Variants in BCKDHA observed in about 807,000 individuals in gnomAD.
BCKDHA encodes branched chain keto acid dehydrogenase E1 subunit alpha, also known as 2-oxoisovalerate dehydrogenase subunit alpha, mitochondrial.
Under a neutral mutation model 52.2 loss-of-function variants are expected in BCKDHA, and 43 were observed. The observed-to-expected ratio is 0.82, with a 90% CI of 0.64 to 1.06. The LOEUF is 1.06. Among genes scored for constraint, BCKDHA ranks in the 50% least tolerant of loss-of-function variants. BCKDHA has a pLI of 0.00. For synonymous variants in BCKDHA, 234 were observed against 247.9 expected (o/e 0.94, Z 0.53); for missense variants, 527 against 621.3 (o/e 0.85, Z 1.61).
At chr19:41,424,344 T>C in intron 8 of BCKDHA, 94 bp from the exon 9 acceptor site, 3 of 1,390,452 alleles carry the variant, frequency 2.2e-6, no homozygotes, top group East Asian at 2.3e-5. Flanking sequence ...CACAAAGGCT[T>C]GGAGTGGTTA....
At chr19:41,422,088 TG>T (rs1400195279) in intron 5 of BCKDHA, 75 bp from the exon 6 acceptor site, 2 of 1,435,318 alleles carry the variant, frequency 1.4e-6, no homozygotes, top group African/African-American at 2.8e-5. Flanking sequence ...GCTTGAGCCG[TG>T]GGTCATGTGA....
In BCKDHA at chr19:41,423,108, T is replaced by A; in HGVS notation, c.1106T>A (p.Leu369Gln). The part of the protein sequence containing the change: ...HPISRLRHYL[L>Q]SQGWWDEEQE... ...ATCTCCCGGCTGCGGCACTATCTGC[T>A]GAGCCAAGGCTGGTGGGATGAGGAG... Residue 369 changes from leucine (L) to glutamine (Q), a missense_variant, in exon 8 of 9, where the codon CTG (leucine) becomes CAG (glutamine). Physicochemically the swap from Leu to Gln is moderately radical, Grantham distance 113 (BLOSUM62 -2). Transcript: ENST00000269980. 1 of 1,566,278 alleles carries A rather than the reference T, an allele frequency of 6.4e-7. No homozygotes were observed.
At chr19:41,411,049 C>T in intron 3 of BCKDHA, 40 bp downstream of exon 3, 2 of 1,596,854 alleles carry the variant, frequency 1.3e-6, no homozygotes, top group Non-Finnish European at 1.7e-6. Flanking sequence ...GCTGGAATTA[C>T]CTGAGGTCCC....
Position 41,423,118 on chromosome 19 carries a change from C to T in BCKDHA, c.1116C>T (p.Gly372=). ...SRLRHYLLSQ[G]WWDEEQEKAW... ...TGCGGCACTATCTGCTGAGCCAAGG[C>T]TGGTGGGATGAGGAGCAGGAGAAGG... Residue 372 remains glycine, a synonymous_variant, in exon 8 of 9, where the codon GGC becomes GGT. Transcript: ENST00000269980. 1 of 1,563,160 alleles carries T rather than the reference C, an allele frequency of 6.4e-7. No homozygotes were observed. The highest frequency in any genetic ancestry group is 1.2e-5 in the South Asian group (1 of 85,034).
At chr19:41,410,021 G>A (rs1004330813) in intron 1 of BCKDHA, among the ~76,000 whole-genome samples, 4 of 152,020 alleles carry the variant, frequency 2.6e-5, no homozygotes, top group Non-Finnish European at 5.9e-5. Flanking sequence ...CATTGATCTC[G>A]AACTCCTGAC....
intron 5 of BCKDHA, 28 bp downstream of exon 5, chr19:41,419,324 C>T (rs1568506738): frequency 2.5e-6 from 4 of 1,598,574 alleles, no homozygotes; most frequent in East Asian, 4.5e-5. Context: ...GTACCTTGCA[C>T]ATGTGCAGAC....
At chr19:41,419,348 C>T (rs776563284) in intron 5 of BCKDHA, 52 bp downstream of exon 5, 47 of 1,563,612 alleles carry the variant, frequency 3.0e-5, no homozygotes, top group Non-Finnish European at 4.0e-5. Flanking sequence ...TGTCACACCC[C>T]TGTCCAGGCC....
intron 3 of BCKDHA, among the ~76,000 whole-genome samples, chr19:41,411,933 G>A (rs1168070920): frequency 6.6e-6 from 1 of 152,190 alleles, no homozygotes; most frequent in Non-Finnish European, 1.5e-5. Context: ...TTAGAAGAAA[G>A]CACACATTCA....
At position 41,423,346 on chromosome 19, in the gene BCKDHA, T is replaced by C. The variant is rs284656; in HGVS notation, c.1167+177T>C. 0.66 allele frequency among the ~76,000 whole-genome samples: 100,162 copies of C among 152,148 alleles called. 34,089 individuals carry two copies. Among genetic ancestry groups the C allele is most frequent in the African/African-American group, 0.83 (34,330 of 41,532 alleles). On this transcript the variant is annotated intron_variant, in intron 8 of 8. Transcript: ENST00000269980. ...GTGTCCTGGCTCTGTGTCCTTGGCATGTTGCCCTCCACTTCCTTGTCTTTG... is the reference window on the plus strand; with the variant it reads ...GTGTCCTGGCTCTGTGTCCTTGGCACGTTGCCCTCCACTTCCTTGTCTTTG...
chr19:41,402,035 C>T (rs891799447), intron 1 of BCKDHA, among the ~76,000 whole-genome samples: 5 of 152,138 alleles, frequency 3.3e-5, no homozygotes, highest in East Asian at 1.9e-4. Flanking sequence ...ACAAACATGG[C>T]GGAAGGCAAA....
At chr19:41,410,853 C>G (rs369995436) in intron 2 of BCKDHA, 37 bp downstream of exon 2, 1 of 1,613,470 alleles carries the variant, frequency 6.2e-7, no homozygotes, top group Non-Finnish European at 8.5e-7. Flanking sequence ...GTGCCCCCCA[C>G]GCCCAGGCCC....
chr19:41,405,838 A>G (rs1429312662), intron 1 of BCKDHA, among the ~76,000 whole-genome samples: 1 of 152,168 alleles, frequency 6.6e-6, no homozygotes, highest in African/African-American at 2.4e-5. Context: ...TCCTGGGCAG[A>G]CCAGACCATC....
chr19:41,414,782 A>G (rs2039291520), intron 4 of BCKDHA, among the ~76,000 whole-genome samples: 1 of 152,144 alleles, frequency 6.6e-6, no homozygotes, highest in Non-Finnish European at 1.5e-5. Context: ...GGGGTCTTCC[A>G]GGGAGCTTGT....
intron 1 of BCKDHA, among the ~76,000 whole-genome samples, chr19:41,404,380 C>T (rs1028128586): frequency 1.3e-5 from 2 of 151,912 alleles, no homozygotes; most frequent in Admixed American, 6.6e-5. Flanking sequence ...AGCTCTGCCT[C>T]CCAGGTTGAC....
Position 41,397,909 on chromosome 19 carries a change from C to G in BCKDHA, c.82C>G (p.Pro28Ala), listed in dbSNP as rs754422670. The G allele has an allele frequency of 1.2e-6, 2 of 1,614,024 alleles. No homozygotes were observed. Among genetic ancestry groups the G allele is most frequent in the East Asian group, 4.5e-5 (2 of 44,868 alleles). The change falls in exon 1 of 9, where the codon CCT (proline) becomes GCT (alanine). Residue 28 changes from proline to alanine, a missense_variant. Coordinates refer to ENST00000269980, the MANE Select transcript of BCKDHA (RefSeq NM_000709.4). ...SQAALLLLRQ[P>A]GARGLARSHP... is the part of the protein sequence containing the mutation. ...GGCTGCCCTCCTGCTGCTGCGGCAG[C>G]CTGGGGCTCGGGGACTGGCTAGATC...
chr19:41,419,107 G>A lies in BCKDHA; in HGVS notation c.485-28G>A, dbSNP rs114178789. ...AACTGTCCCCCTGTACTGCCCACTC[G>A]GCTAACCATTGCCTCCTCCCCTCCT... On this transcript the variant is annotated intron_variant, in intron 4 of 8. Transcript: ENST00000269980. 867 of 1,613,762 alleles carry A rather than the reference G, an allele frequency of 5.4e-4. 4 individuals carry two copies. The African/African-American group carries it at 6.0e-3, about 11-fold the overall frequency.
chr19:41,406,262 C>T (rs1030303997), intron 1 of BCKDHA, among the ~76,000 whole-genome samples: 2 of 152,166 alleles, frequency 1.3e-5, no homozygotes, highest in Admixed American at 6.6e-5. Context: ...TGCCCTGACA[C>T]AGTGGTTTGT....
intron 5 of BCKDHA, among the ~76,000 whole-genome samples, chr19:41,420,929 G>A (rs1341534741): frequency 6.6e-6 from 1 of 152,236 alleles, no homozygotes; most frequent in African/African-American, 2.4e-5. Context: ...CTGGGCCCTG[G>A]CTTCTTTGCC....
intron 1 of BCKDHA, among the ~76,000 whole-genome samples, chr19:41,406,262 C>G (rs1030303997): frequency 1.6e-4 from 25 of 152,166 alleles, no homozygotes; most frequent in African/African-American, 6.0e-4. Flanking sequence ...TGCCCTGACA[C>G]AGTGGTTTGT....
Sources: gnomAD v4.1 joint callset for allele counts (sites outside exome capture counted in the v4.1 genomes callset) on GRCh38, gnomAD v4.1.1 for gene constraint, MANE v1.5 for transcripts, NCBI Gene and HGNC (gene_info 2026-07-23, HGNC 2026-07-21) for gene names.